MACF1: variants seen among roughly 807,000 people sequenced by gnomAD.
MACF1 encodes the protein microtubule actin crosslinking factor 1.
In MACF1, 193 loss-of-function variants were observed where a neutral mutation model predicts 854.8. That is an observed-to-expected ratio of 0.23 (90% CI 0.20 to 0.25). MACF1 has a LOEUF of 0.25. Among genes scored for constraint, MACF1 ranks in the 10% least tolerant of loss-of-function variants. The probability of loss-of-function intolerance (pLI) is 1.00; values close to 1 mark genes in which losing one functional copy is unlikely to be tolerated. For missense variants in MACF1, 7,722 were observed against 8,929.1 expected (o/e 0.86, Z 5.45); for synonymous variants, 3,185 against 3,226.7 (o/e 0.99, Z 0.44).
intron 94 of MACF1, 153 bp from the exon 95 acceptor site, chr1:39,464,942 T>C (rs1644633195): frequency 4.2e-6 from 3 of 716,704 alleles, no homozygotes; most frequent in African/African-American, 3.6e-5. Flanking sequence ...ACCACATCCC[T>C]GTGGCAGGAG....
rs1354024543 is a variant in MACF1 at position 39,360,028 on chromosome 1, T to A, written c.12244+764T>A. ...AAAAAAAAAAATATATATATATATATATATATATATATATATATATATATA... is the reference window on the plus strand; with the variant it reads ...AAAAAAAAAAATATATATATATATAAATATATATATATATATATATATATA... On this transcript the variant is annotated intron_variant, in intron 47 of 100. Coordinates refer to ENST00000564288, the MANE Select transcript of MACF1 (RefSeq NM_001394062.1). Among the ~76,000 whole-genome samples, 231 of 47,620 alleles carry A rather than the reference T, an allele frequency of 4.9e-3. 3 individuals carry two copies. Among genetic ancestry groups the A allele is most frequent in the African/African-American group, 0.016 (145 of 9,058 alleles). The allele number at this position is 47,620 out of a possible 152,430, so 31.2% of individuals were successfully genotyped here.
At chr1:39,372,744 A>T in intron 52 of MACF1, 148 bp downstream of exon 52, 1 of 635,498 alleles carries the variant, frequency 1.6e-6, no homozygotes, top group Middle Eastern at 2.6e-4. Flanking sequence ...CTGCAACCTG[A>T]CCTGTCACCC....
At chr1:39,384,660 T>G (rs1424926124) in intron 56 of MACF1, among the ~76,000 whole-genome samples, 1 of 152,220 alleles carries the variant, frequency 6.6e-6, no homozygotes, top group Non-Finnish European at 1.5e-5. Flanking sequence ...TATGCTATAT[T>G]ATAAAATACA....
chr1:39,126,010 C>A (rs1024474365), intron 2 of MACF1, among the ~76,000 whole-genome samples: 3 of 152,152 alleles, frequency 2.0e-5, no homozygotes, highest in Admixed American at 1.3e-4. Context: ...ACAAAGCAAA[C>A]GACAGCAAAA....
chr1:39,429,087 G>C (rs938485025), intron 63 of MACF1, among the ~76,000 whole-genome samples, 155 bp from the exon 64 acceptor site: 2 of 152,032 alleles, frequency 1.3e-5, no homozygotes, highest in African/African-American at 4.8e-5. Context: ...ATAGTCAATG[G>C]GCTAACCAAG....
chr1:39,423,923 G>A, intron 60 of MACF1, 105 bp from the exon 61 acceptor site: 2 of 977,044 alleles, frequency 2.0e-6, no homozygotes, highest in Non-Finnish European at 3.0e-6. Flanking sequence ...TTTACTCAAT[G>A]AAGCTTAGGA....
rs41270801 is a variant in MACF1 at position 39,283,122 on chromosome 1, T to C, written c.696-67T>C. On this transcript the variant is annotated intron_variant, in intron 7 of 100. Coordinates refer to ENST00000564288, the MANE Select transcript of MACF1 (RefSeq NM_001394062.1). The surrounding 1 kb of genome is among the most constrained non-coding windows in gnomAD (Gnocchi z 4.5). ...AGCTCTGGGAACTTTCAGGAGGTTT[T>C]CTTTGTGTAAACTCATGTGTGATGT... The C allele has an allele frequency of 5.7e-3, 5,678 of 998,558 alleles. 27 individuals are homozygous for C. Among genetic ancestry groups the C allele is most frequent in the Non-Finnish European group, 6.8e-3 (4,354 of 642,006 alleles). 61.9% of individuals were successfully genotyped at this position (998,558 alleles called of 1,614,324 possible).
Position 39,285,367 on chromosome 1 carries a change from C to G in MACF1, c.1330C>G (p.Leu444Val), listed in dbSNP as rs1571266793. ...GALNCEEKLT[L>V]AKNTLQADAA... ...TTTGAACTGTGAAGAAAAACTGACACTAGCTAAGAATACACTGCAGGCTGT... is the reference window on the plus strand; with the variant it reads ...TTTGAACTGTGAAGAAAAACTGACAGTAGCTAAGAATACACTGCAGGCTGT... Residue 444 changes from leucine (L) to valine (V), a missense_variant, in exon 13 of 101, where the codon CTA (leucine) becomes GTA (valine). Physicochemically the swap from Leu to Val is conservative, Grantham distance 32. Coordinates refer to ENST00000564288, the MANE Select transcript of MACF1 (RefSeq NM_001394062.1). 6.2e-7 allele frequency: 1 copy of G among 1,614,128 alleles called. No homozygotes were observed. Among genetic ancestry groups the G allele is most frequent in the East Asian group, 2.2e-5 (1 of 44,886 alleles).
chr1:39,309,538 A>G, intron 23 of MACF1, 32 bp from the exon 24 acceptor site: 1 of 1,612,370 alleles, frequency 6.2e-7, no homozygotes, highest in South Asian at 1.1e-5. Flanking sequence ...AAGTCTTACA[A>G]AGGTAATAGT....
At chr1:39,358,231 C>T (rs926118693) in intron 45 of MACF1, among the ~76,000 whole-genome samples, 10 of 152,160 alleles carry the variant, frequency 6.6e-5, no homozygotes, top group African/African-American at 2.4e-4. Flanking sequence ...AAACCAATTG[C>T]ACAGTCTTTA....
intron 1 of MACF1, among the ~76,000 whole-genome samples, chr1:39,226,104 C>A (rs1644712901): frequency 6.6e-6 from 1 of 152,178 alleles, no homozygotes; most frequent in Non-Finnish European, 1.5e-5. Context: ...TTCTATAAAA[C>A]CCTTTTCTGA....
At chr1:39,464,422 T>G (rs989157749) in intron 94 of MACF1, 3 of 153,118 alleles carry the variant, frequency 2.0e-5, no homozygotes, top group Admixed American at 2.0e-4. Context: ...ATCTACCCCA[T>G]GCTGCAGTCT....
intron 6 of MACF1, among the ~76,000 whole-genome samples, chr1:39,261,851 C>T (rs1371667559): frequency 6.6e-6 from 1 of 152,106 alleles, no homozygotes; most frequent in African/African-American, 2.4e-5. Flanking sequence ...GTACAGTAAG[C>T]ATGTTTAGCT....
chr1:39,278,353 C>G (rs1340127109), intron 6 of MACF1, among the ~76,000 whole-genome samples: 1 of 152,148 alleles, frequency 6.6e-6, no homozygotes, highest in Non-Finnish European at 1.5e-5. Context: ...CTAATCCAAA[C>G]AGGTATTTTA....
At chr1:39,101,356 CA>C (rs35075474) in intron 2 of MACF1, among the ~76,000 whole-genome samples, 1,698 of 128,770 alleles carry the variant, frequency 0.013, 22 homozygotes, top group African/African-American at 0.041. Context: ...GACTCTGTCT[CA>C]AAAAAAAAAA....
At chr1:39,479,104 G>T (rs144389639) in intron 97 of MACF1, among the ~76,000 whole-genome samples, 1 of 152,128 alleles carries the variant, frequency 6.6e-6, no homozygotes, top group Non-Finnish European at 1.5e-5. Flanking sequence ...TTCCCGTGCC[G>T]ACTCCACGTT....
intron 100 of MACF1, chr1:39,485,069 A>G (rs1645078645): frequency 2.7e-6 from 1 of 375,762 alleles, no homozygotes; most frequent in Non-Finnish European, 4.8e-6. Context: ...TTTTTCCAAC[A>G]CGTCATACTT....
rs759104134 is a variant in MACF1 at position 39,385,775 on chromosome 1, A to T, written c.14190A>T (p.Arg4730=). 3.0e-5 allele frequency: 48 copies of T among 1,613,990 alleles called. No homozygotes were observed. Among genetic ancestry groups the T allele is most frequent in the Admixed American group, 2.7e-4 (16 of 59,994 alleles). Reference sequence around the variant, plus strand: ...AATTGGAAGAGACCAGTGAAATTCGATCTGACTTGGAGCAGTTAGACCACG... The same window carrying T: ...AATTGGAAGAGACCAGTGAAATTCGTTCTGACTTGGAGCAGTTAGACCACG... ...KQQLEETSEI[R]SDLEQLDHEV... Residue 4730 remains arginine, a synonymous_variant, in exon 57 of 101, where the codon CGA becomes CGT. Transcript: ENST00000564288.
At position 39,246,788 on chromosome 1, in the gene MACF1, G is replaced by C. The variant is rs553833989; in HGVS notation, c.172-3226G>C. 2.0e-5 allele frequency among the ~76,000 whole-genome samples: 3 copies of C among 152,176 alleles called. No homozygotes were observed. The East Asian group carries it at 5.8e-4, about 29-fold the overall frequency. ...GGCTCCCAAAGTGCTGAGATTACAG[G>C]TGTGAGAGGGAGGGGTTTTGAAATC... On this transcript the variant is annotated intron_variant, in intron 2 of 100. Coordinates refer to ENST00000564288, the MANE Select transcript of MACF1 (RefSeq NM_001394062.1).
Sources: gnomAD v4.1 joint callset for allele counts (sites outside exome capture counted in the v4.1 genomes callset) on GRCh38, gnomAD v4.1.1 for gene constraint, Gnocchi (gnomAD v3.1) non-coding constraint, MANE v1.5 for transcripts, NCBI Gene and HGNC (gene_info 2026-07-23, HGNC 2026-07-21) for gene names.